Variants in USH1C observed in about 807,000 individuals in gnomAD.
USH1C encodes harmonin.
A neutral mutation model predicts 119.3 loss-of-function variants in USH1C; 90 were observed. The observed-to-expected ratio is 0.75, with a 90% CI of 0.64 to 0.90. The LOEUF is 0.90. Ranked by LOEUF, USH1C falls within the 40% of genes least tolerant of loss-of-function variation. The pLI is 0.00. For synonymous variants in USH1C, 465 were observed against 443.3 expected, an observed-to-expected ratio of 1.05 and a Z score of -0.62; for missense variants, 1,165 against 1,167.7, an observed-to-expected ratio of 1.00 and a Z score of 0.03.
In USH1C at chr11:17,510,528, C is replaced by T. The variant is rs1230847874; in HGVS notation, c.1414-7G>A. 5 of 1,610,082 alleles carry T rather than the reference C, an allele frequency of 3.1e-6. No homozygotes were observed. In the South Asian group the frequency reaches 5.5e-5, roughly 18 times the overall value. On this transcript the variant is annotated splice_polypyrimidine_tract_variant and splice_region_variant and intron_variant, in intron 16 of 26. Transcript: ENST00000005226. ...CCCGCTCTGTCTCAGACACCTGGGA[C>T]CCAGGATCGGCGCAGAAAGGAGAGG...
intron 1 of USH1C, among the ~76,000 whole-genome samples, chr11:17,535,421 C>G (rs375380122): frequency 6.6e-6 from 1 of 152,062 alleles, no homozygotes; most frequent in African/African-American, 2.4e-5. Flanking sequence ...CCAGACAGAA[C>G]CGACTCCTGC....
rs1850683745 is a variant in USH1C, at chr11:17,526,535, C to T, written c.580-94G>A. ...GATCTGCAGGGCGAGCACTGCTGAACTCACGCCAGCCAGATCATCATTCCG... is the reference window on the plus strand; with the variant it reads ...GATCTGCAGGGCGAGCACTGCTGAATTCACGCCAGCCAGATCATCATTCCG... On this transcript the variant is annotated intron_variant, in intron 7 of 26. Transcript: ENST00000005226. 4 of 1,218,634 alleles carry T rather than the reference C, an allele frequency of 3.3e-6. No homozygotes were observed. In the East Asian group the frequency reaches 1.0e-4, roughly 30 times the overall value. 75.5% of individuals were successfully genotyped at this position (1,218,634 alleles called of 1,614,324 possible).
intron 18 of USH1C, among the ~76,000 whole-genome samples, chr11:17,506,229 A>G (rs1347715750): frequency 6.6e-6 from 1 of 152,184 alleles, no homozygotes; most frequent in Non-Finnish European, 1.5e-5. Context: ...AGTGTCACCC[A>G]GGAGACACAC....
chr11:17,506,849 C>T (rs996644853), intron 18 of USH1C, among the ~76,000 whole-genome samples: 21 of 151,918 alleles, frequency 1.4e-4, no homozygotes, highest in Non-Finnish European at 5.9e-5. Context: ...TTTCTTTGTT[C>T]CCCACCAGAC....
intron 18 of USH1C, among the ~76,000 whole-genome samples, chr11:17,506,522 C>T (rs989713037): frequency 8.5e-5 from 13 of 152,198 alleles, no homozygotes; most frequent in African/African-American, 3.1e-4. Context: ...CCCCAGTGTC[C>T]GCATTGACTA....
At position 17,526,332 on chromosome 11, in the gene USH1C, A is replaced by G. The variant is rs1279302242; in HGVS notation, c.674+15T>C. 2 of 1,609,248 alleles carry G rather than the reference A, an allele frequency of 1.2e-6. No homozygotes were observed. The highest frequency in any genetic ancestry group is 1.7e-6 in the Non-Finnish European group (2 of 1,176,300). On this transcript the variant is annotated intron_variant, in intron 8 of 26. Coordinates refer to ENST00000005226, the MANE Select transcript of USH1C (RefSeq NM_153676.4). ...CACTGGCCACGAATGACCCCAGGGC[A>G]TGCCTGCCACCCACCTGCAGCCAAG...
At chr11:17,497,757 TA>T (rs999049514) in intron 24 of USH1C, among the ~76,000 whole-genome samples, 3 of 152,238 alleles carry the variant, frequency 2.0e-5, no homozygotes, top group African/African-American at 7.2e-5. Context: ...GGTGGGTGTC[TA>T]ATGAGTGCAG....
intron 24 of USH1C, 36 bp from the exon 25 acceptor site, chr11:17,496,849 C>T (rs777277531): frequency 1.9e-6 from 3 of 1,612,692 alleles, no homozygotes; most frequent in Non-Finnish European, 1.7e-6. Context: ...GGGGCACACT[C>T]AGTTGGATGG....
chr11:17,516,448 G>A (rs993609514), intron 14 of USH1C, 158 bp from the exon 15 acceptor site: 15 of 752,820 alleles, frequency 2.0e-5, no homozygotes, highest in African/African-American at 1.6e-4. Context: ...TGTCCAACTC[G>A]GCTTACCTGG....
chr11:17,506,830 G>T (rs1342345978), intron 18 of USH1C, among the ~76,000 whole-genome samples: 1 of 152,138 alleles, frequency 6.6e-6, no homozygotes, highest in African/African-American at 2.4e-5. Flanking sequence ...GGTGTGGCGG[G>T]TGCCTACTTT....
At position 17,505,820 on chromosome 11, in the gene USH1C, A is replaced by C; in HGVS notation, c.2133+10T>G. 1 of 1,613,944 alleles carries C rather than the reference A, an allele frequency of 6.2e-7. No individual in the cohort carries two copies. The highest frequency in any genetic ancestry group is 1.1e-5 in the South Asian group (1 of 91,046). ...CTAGAGACAACCTGGAGGGGACCCA[A>C]GGGGCTTACCAGAACTTCAGATTTC... On this transcript the variant is annotated intron_variant, in intron 19 of 26. Transcript: ENST00000005226.
chr11:17,494,514 G>T, intron 26 of USH1C, 138 bp from the exon 27 acceptor site: 1 of 958,028 alleles, frequency 1.0e-6, no homozygotes, highest in Admixed American at 2.0e-5. Context: ...ACCCCTCTGG[G>T]TGCAGGCCCC....
At chr11:17,539,041 C>T (rs1851340432) in intron 1 of USH1C, among the ~76,000 whole-genome samples, 1 of 152,196 alleles carries the variant, frequency 6.6e-6, no homozygotes, top group South Asian at 2.1e-4. Flanking sequence ...GGACGAGCCA[C>T]CTGCTCCCTG....
At chr11:17,511,272 C>T (rs964502366) in intron 16 of USH1C, among the ~76,000 whole-genome samples, 9 of 152,150 alleles carry the variant, frequency 5.9e-5, no homozygotes, top group African/African-American at 1.7e-4. Context: ...GAGATAACCT[C>T]GCACCTACCA....
At chr11:17,537,087 A>C (rs1187829190) in intron 1 of USH1C, among the ~76,000 whole-genome samples, 1 of 152,268 alleles carries the variant, frequency 6.6e-6, no homozygotes, top group African/African-American at 2.4e-5. Context: ...CAGGAAAGAA[A>C]GCTGAGAAAG....
chr11:17,544,214 A>T, intron 1 of USH1C, 58 bp downstream of exon 1: 1 of 1,610,128 alleles, frequency 6.2e-7, no homozygotes, highest in African/African-American at 1.3e-5. Context: ...TCCACCCCCT[A>T]CCCACCGCGC....
chr11:17,527,862 T>C (rs2355021), intron 4 of USH1C, among the ~76,000 whole-genome samples: 21,619 of 151,978 alleles, frequency 0.14, 1,817 homozygotes, highest in South Asian at 0.26. Flanking sequence ...CACACACATA[T>C]GATTTTTTTT....
At chr11:17,524,343 C>T (rs1375080689) in intron 9 of USH1C, 108 bp downstream of exon 9, 4 of 1,198,276 alleles carry the variant, frequency 3.3e-6, no homozygotes, top group Non-Finnish European at 1.2e-6. Flanking sequence ...CCCTCAGTGT[C>T]CACTGAAAGA....
chr11:17,501,392 G>A, intron 22 of USH1C, 90 bp downstream of exon 22: 2 of 1,458,688 alleles, frequency 1.4e-6, no homozygotes, highest in Non-Finnish European at 1.9e-6. Context: ...CCACCCAGGA[G>A]TGACCTTGAG....
Sources: gnomAD v4.1 joint callset for allele counts (sites outside exome capture counted in the v4.1 genomes callset) on GRCh38, gnomAD v4.1.1 for gene constraint, MANE v1.5 for transcripts, NCBI Gene and HGNC (gene_info 2026-07-23, HGNC 2026-07-21) for gene names.